Variants in LDLRAD3 observed in about 807,000 individuals in gnomAD.
The protein encoded by LDLRAD3 is low-density lipoprotein receptor class A domain-containing protein 3.
In LDLRAD3, 20 loss-of-function variants were observed where a neutral mutation model predicts 29.4. The ratio of observed to expected loss-of-function variants is 0.68; its 90% CI spans 0.48 to 0.99. The LOEUF (loss-of-function observed/expected upper bound fraction) is 0.99. Among genes scored for constraint, LDLRAD3 ranks in the 50% least tolerant of loss-of-function variants. LDLRAD3 has a pLI of 0.00. For missense variants in LDLRAD3, 420 were observed against 454.3 expected (o/e 0.92, Z 0.69); for synonymous variants, 157 against 192.7 (o/e 0.81, Z 1.53).
At chr11:36,004,829 A>G (rs1252750243) in intron 1 of LDLRAD3, among the ~76,000 whole-genome samples, 2 of 152,176 alleles carry the variant, frequency 1.3e-5, no homozygotes, top group African/African-American at 2.4e-5. Context: ...CAGGTCCAAC[A>G]CCATGTGAAA....
rs79623040 is a variant in LDLRAD3, at chr11:36,161,518, G to A, written c.454+63057G>A. On this transcript the variant is annotated intron_variant, in intron 4 of 5. Transcript: ENST00000315571. ...ATCTGTAGATGTGTTTATAAATGTG[G>A]GGGAAACAGATAAAAATCCCTACCC... is the stretch of plus-strand genomic sequence containing the variant. Among the ~76,000 whole-genome samples the A allele has an allele frequency of 8.4e-3, 1,273 of 152,196 alleles. 27 individuals are homozygous for A. Among genetic ancestry groups the A allele is most frequent in the African/African-American group, 0.029 (1,201 of 41,528 alleles).
chr11:35,977,740 A>G (rs1851493365), intron 1 of LDLRAD3, among the ~76,000 whole-genome samples: 1 of 152,146 alleles, frequency 6.6e-6, no homozygotes. Flanking sequence ...TCACCAGCAG[A>G]TTCCGTGTCT....
chr11:36,079,028 C>T (rs1043631087), intron 2 of LDLRAD3, among the ~76,000 whole-genome samples: 13 of 152,128 alleles, frequency 8.5e-5, no homozygotes, highest in African/African-American at 2.2e-4. Context: ...CCTACCAGGC[C>T]GTGTGAGGGT....
At chr11:36,070,752 C>T (rs1852886953) in intron 2 of LDLRAD3, among the ~76,000 whole-genome samples, 1 of 152,134 alleles carries the variant, frequency 6.6e-6, no homozygotes. Context: ...ACAAGCGTCC[C>T]TGGGGATCCT....
chr11:36,026,435 G>C (rs1428813651), intron 1 of LDLRAD3, among the ~76,000 whole-genome samples: 1 of 152,178 alleles, frequency 6.6e-6, no homozygotes, highest in Admixed American at 6.5e-5. Context: ...ATTAGGATTG[G>C]CTGGGTCAAA....
intron 4 of LDLRAD3, among the ~76,000 whole-genome samples, chr11:36,164,152 A>C (rs920374445): frequency 6.6e-6 from 1 of 152,124 alleles, no homozygotes; most frequent in African/African-American, 2.4e-5. Flanking sequence ...AGCCCTGGGA[A>C]TCTCAGCCAC....
At chr11:35,991,350 G>C (rs1465989365) in intron 1 of LDLRAD3, among the ~76,000 whole-genome samples, 1 of 151,916 alleles carries the variant, frequency 6.6e-6, no homozygotes, top group Admixed American at 6.6e-5. Context: ...TTACCCCTGG[G>C]GCCCCAAACT....
chr11:36,128,439 G>A (rs1227157088), intron 4 of LDLRAD3, among the ~76,000 whole-genome samples: 3 of 152,146 alleles, frequency 2.0e-5, no homozygotes, highest in Non-Finnish European at 4.4e-5. Flanking sequence ...GGGTAGAGAT[G>A]CCAGAGGGTG....
At chr11:36,192,943 A>G (rs930081736) in intron 4 of LDLRAD3, among the ~76,000 whole-genome samples, 2 of 152,148 alleles carry the variant, frequency 1.3e-5, no homozygotes, top group Non-Finnish European at 2.9e-5. Context: ...GCTGGGTGCA[A>G]CTCAGAGGAA....
intron 4 of LDLRAD3, among the ~76,000 whole-genome samples, chr11:36,144,063 C>T (rs1306629666): frequency 3.9e-5 from 6 of 151,924 alleles, no homozygotes; most frequent in African/African-American, 7.3e-5. Context: ...CAAGTGCCTG[C>T]GATTGCAGGC....
intron 1 of LDLRAD3, among the ~76,000 whole-genome samples, chr11:36,013,406 G>A (rs555432975): frequency 1.3e-5 from 2 of 152,198 alleles, no homozygotes; most frequent in African/African-American, 4.8e-5. Context: ...CATTGTCTAG[G>A]TTTTAAGCCC....
chr11:36,229,474 A>G lies in LDLRAD3; in HGVS notation c.*77A>G. The G allele has an allele frequency of 9.7e-7, 1 of 1,030,164 alleles. No individual in the cohort carries two copies. Among genetic ancestry groups the G allele is most frequent in the Middle Eastern group, 2.1e-4 (1 of 4,784 alleles). 63.8% of individuals were successfully genotyped at this position (1,030,164 alleles called of 1,614,324 possible). ...ATTCTAACAATTTGTGCTCATGGGAAGCTCTTTAAGCACCTGTAAGGGTGT... is the reference window on the plus strand; with the variant it reads ...ATTCTAACAATTTGTGCTCATGGGAGGCTCTTTAAGCACCTGTAAGGGTGT... On this transcript the variant is annotated 3_prime_UTR_variant, in exon 6 of 6. Coordinates refer to ENST00000315571, the MANE Select transcript of LDLRAD3 (RefSeq NM_174902.4).
At position 36,058,294 on chromosome 11, in the gene LDLRAD3, C is replaced by T. The variant is rs1002620869; in HGVS notation, c.193+22045C>T. ...ACAACACTGGAATCTCACTGGAGCA[C>T]TCACACCACTTCCCCCAGAAGCAAA... On this transcript the variant is annotated intron_variant, in intron 2 of 5. Coordinates refer to ENST00000315571, the MANE Select transcript of LDLRAD3 (RefSeq NM_174902.4). Among the ~76,000 whole-genome samples the T allele has an allele frequency of 9.2e-5, 14 of 152,300 alleles. No homozygotes were observed. The South Asian group carries it at 1.0e-3, about 11-fold the overall frequency.
intron 1 of LDLRAD3, among the ~76,000 whole-genome samples, chr11:35,991,117 T>C (rs1800676594): frequency 6.6e-6 from 1 of 152,212 alleles, no homozygotes; most frequent in Admixed American, 6.5e-5. Context: ...TTTTCTGTTG[T>C]TTGGTAATGC....
intron 4 of LDLRAD3, among the ~76,000 whole-genome samples, chr11:36,102,960 C>T (rs1352258857): frequency 6.6e-6 from 1 of 152,050 alleles, no homozygotes; most frequent in East Asian, 1.9e-4. Flanking sequence ...ATCTTAGATC[C>T]CATTCTTTTG....
intron 4 of LDLRAD3, among the ~76,000 whole-genome samples, chr11:36,171,284 A>G (rs1424128745): frequency 1.3e-5 from 2 of 152,134 alleles, no homozygotes; most frequent in Non-Finnish European, 2.9e-5. Context: ...TTTGCTATGC[A>G]GAAGCTTTTT....
chr11:35,950,734 A>G (rs1851121454), intron 1 of LDLRAD3, among the ~76,000 whole-genome samples: 1 of 152,108 alleles, frequency 6.6e-6, no homozygotes, highest in South Asian at 2.1e-4. Flanking sequence ...CAGGGTGGCA[A>G]GCACTGTACG....
chr11:36,056,053 T>C (rs1353061137), intron 2 of LDLRAD3, among the ~76,000 whole-genome samples: 1 of 140,246 alleles, frequency 7.1e-6, no homozygotes, highest in African/African-American at 2.7e-5. Flanking sequence ...CGGAGTGCAG[T>C]GGCATGATCT....
intron 4 of LDLRAD3, among the ~76,000 whole-genome samples, chr11:36,153,158 A>G (rs1854300288): frequency 6.6e-6 from 1 of 151,882 alleles, no homozygotes; most frequent in Non-Finnish European, 1.5e-5. Flanking sequence ...ACGCCGAGAG[A>G]TGCCCAGCAT....
Sources: gnomAD v4.1 joint callset for allele counts (sites outside exome capture counted in the v4.1 genomes callset) on GRCh38, gnomAD v4.1.1 for gene constraint, MANE v1.5 for transcripts, NCBI Gene and HGNC (gene_info 2026-07-23, HGNC 2026-07-21) for gene names.